The following IL16 variants were observed in gnomAD, a reference collection of about 807,000 sequenced individuals.
The protein encoded by IL16 is pro-interleukin-16.
Under a neutral mutation model 110.1 loss-of-function variants are expected in IL16, and 67 were observed. The observed-to-expected ratio is 0.61, with a 90% CI of 0.50 to 0.75. The LOEUF (loss-of-function observed/expected upper bound fraction) is 0.75, where lower values mean the gene tolerates loss of function less well. Among genes scored for constraint, IL16 ranks in the 30% least tolerant of loss-of-function variants. The pLI is 0.00. For synonymous variants in IL16, 689 were observed against 662.9 expected (o/e 1.04, Z -0.61); for missense variants, 1,545 against 1,655.0 (o/e 0.93, Z 1.15).
chr15:81,196,801 T>C (rs1214965847), upstream of IL16: 1 of 1,093,766 alleles, frequency 9.1e-7, no homozygotes, highest in Non-Finnish European at 1.1e-6. Flanking sequence ...GCCCCCCTTT[T>C]TGGATCAAGC....
Position 81,297,050 on chromosome 15 carries a change from C to A in IL16, c.2025C>A (p.Gly675=). 1 of 1,613,476 alleles carries A rather than the reference C, an allele frequency of 6.2e-7. No individual in the cohort carries two copies. Among genetic ancestry groups the A allele is most frequent in the Non-Finnish European group, 8.5e-7 (1 of 1,179,758 alleles). ...IGPQTKSSTE[G]EPGWRRASPV... ...CACAGACCAAGTCCTCCACAGAGGG[C>A]GAGCCAGGGTGGAGAAGAGCCAGCC... Residue 675 remains glycine, a synonymous_variant, in exon 13 of 19, where the codon GGC becomes GGA. Coordinates refer to ENST00000683961, the MANE Select transcript of IL16 (RefSeq NM_172217.5).
chr15:81,237,593 G>T (rs1479553585), intron 2 of IL16, among the ~76,000 whole-genome samples: 1 of 152,118 alleles, frequency 6.6e-6, no homozygotes, highest in African/African-American at 2.4e-5. Flanking sequence ...TTAACTTTGA[G>T]ATTATTTGAA....
Position 81,306,062 on chromosome 15 carries a change from T to C in IL16, c.3575T>C (p.Val1192Ala). Residue 1192 changes from valine (V) to alanine (A), a missense_variant, in exon 17 of 19, where the codon GTG becomes GCG. Coordinates refer to ENST00000683961, the MANE Select transcript of IL16 (RefSeq NM_172217.5). The stretch of plus-strand genomic sequence containing the variant: ...CAAGCTCGAGAGCCCAGGCAAGCTG[T>C]GATTGTCACAAGGAAGCTGACTCCA... Reference protein sequence around the residue: ...LRQAREPRQAVIVTRKLTPEA... With the variant: ...LRQAREPRQAAIVTRKLTPEA... 6.2e-7 allele frequency: 1 copy of C among 1,614,198 alleles called. No homozygotes were observed. The highest frequency in any genetic ancestry group is 8.5e-7 in the Non-Finnish European group (1 of 1,180,050).
intron 10 of IL16, among the ~76,000 whole-genome samples, chr15:81,289,283 G>A (rs376524191): frequency 8.5e-5 from 13 of 152,072 alleles, no homozygotes; most frequent in African/African-American, 3.1e-4. Flanking sequence ...TTATAGGTGT[G>A]TACCACTGCA....
chr15:81,236,218 C>T (rs902082619), intron 2 of IL16, among the ~76,000 whole-genome samples: 1 of 152,238 alleles, frequency 6.6e-6, no homozygotes, highest in African/African-American at 2.4e-5. Context: ...CAGACAAAAT[C>T]CTTTGCTTTG....
At chr15:81,293,612 A>C (rs966725835) in intron 12 of IL16, among the ~76,000 whole-genome samples, 1 of 152,138 alleles carries the variant, frequency 6.6e-6, no homozygotes, top group African/African-American at 2.4e-5. Context: ...GAGGCAGGGA[A>C]TTGCTTAAAC....
intron 1 of IL16, among the ~76,000 whole-genome samples, chr15:81,222,170 C>T (rs68020982): frequency 0.081 from 12,261 of 151,940 alleles, 514 homozygotes; most frequent in Middle Eastern, 0.1. Flanking sequence ...CTTGGTGGGA[C>T]AAGAATGCGA....
At chr15:81,277,917 G>A (rs1269933996) in intron 6 of IL16, among the ~76,000 whole-genome samples, 2 of 152,152 alleles carry the variant, frequency 1.3e-5, no homozygotes, top group Non-Finnish European at 2.9e-5. Context: ...TTGAAAGAAA[G>A]GGAGAAAGTG....
At chr15:81,299,203 C>T in intron 13 of IL16, 177 bp from the exon 14 acceptor site, 4 of 955,146 alleles carry the variant, frequency 4.2e-6, no homozygotes, top group Non-Finnish European at 6.7e-6. Context: ...TTCACTCCTG[C>T]CTGTTGGCAG....
At chr15:81,266,189 A>G (rs1482714485) in intron 4 of IL16, among the ~76,000 whole-genome samples, 2 of 152,236 alleles carry the variant, frequency 1.3e-5, no homozygotes, top group African/African-American at 4.8e-5. Context: ...GGATTTATGC[A>G]CATTCACACT....
chr15:81,262,761 G>C (rs573218333), intron 3 of IL16, among the ~76,000 whole-genome samples: 13 of 152,184 alleles, frequency 8.5e-5, no homozygotes, highest in African/African-American at 3.1e-4. Flanking sequence ...GAGAAACCCT[G>C]TCTCTACTAA....
chr15:81,255,728 C>T (rs1359532882), intron 2 of IL16, among the ~76,000 whole-genome samples: 7 of 146,696 alleles, frequency 4.8e-5, no homozygotes, highest in Non-Finnish European at 9.0e-5. Context: ...CCAGAGAAAG[C>T]TTTCCCTCTA....
At chr15:81,267,432 A>T (rs928647621) in intron 4 of IL16, among the ~76,000 whole-genome samples, 2 of 152,158 alleles carry the variant, frequency 1.3e-5, no homozygotes, top group South Asian at 4.1e-4. Flanking sequence ...AACCAATAAG[A>T]GATGTATAGA....
intron 2 of IL16, among the ~76,000 whole-genome samples, chr15:81,234,327 T>C (rs545628837): frequency 2.4e-4 from 37 of 152,164 alleles, no homozygotes; most frequent in Non-Finnish European, 4.3e-4. Context: ...AAGTGTTTTA[T>C]ATTCTGTTTT....
chr15:81,199,754 C>A (rs1197888539), intron 1 of IL16, among the ~76,000 whole-genome samples: 1 of 152,186 alleles, frequency 6.6e-6, no homozygotes, highest in Non-Finnish European at 1.5e-5. Flanking sequence ...GCACCTCTCA[C>A]CTGGCAAAGA....
intron 12 of IL16, among the ~76,000 whole-genome samples, chr15:81,295,971 G>A (rs1240105942): frequency 6.6e-6 from 1 of 152,160 alleles, no homozygotes; most frequent in Non-Finnish European, 1.5e-5. Flanking sequence ...GGCCACCGCA[G>A]TATAGCAAAG....
rs1347928331 is a variant in IL16 at position 81,300,134 on chromosome 15, T to G, written c.2808T>G (p.Pro936=). Residue 936 remains proline, a synonymous_variant, in exon 14 of 19, where the codon CCT becomes CCG. Coordinates refer to ENST00000683961, the MANE Select transcript of IL16 (RefSeq NM_172217.5). The part of the protein sequence containing the change: ...GRQPNQKTLP[P]GPDPLLRLLS... The stretch of plus-strand genomic sequence containing the variant: ...AGCCCAATCAGAAAACTCTCCCCCC[T>G]GGCCCGGACCCGCTCCTAAGGCTGC... 1 of 1,607,784 alleles carries G rather than the reference T, an allele frequency of 6.2e-7. No homozygotes were observed. The highest frequency in any genetic ancestry group is 2.2e-5 in the East Asian group (1 of 44,802).
upstream of IL16, among the ~76,000 whole-genome samples, chr15:81,192,034 T>C (rs901258372): frequency 1.3e-5 from 2 of 152,216 alleles, no homozygotes; most frequent in Admixed American, 1.3e-4. Flanking sequence ...TGTCTGATAC[T>C]ACAGTGGTAG....
At chr15:81,229,914 C>T (rs1367070628) in intron 2 of IL16, among the ~76,000 whole-genome samples, 1 of 152,188 alleles carries the variant, frequency 6.6e-6, no homozygotes, top group Admixed American at 6.5e-5. Context: ...AGCCTCTCCT[C>T]TGGAAACGCC....
Sources: allele counts gnomAD v4.1 joint callset (sites outside exome capture counted in the v4.1 genomes callset), GRCh38; gene constraint gnomAD v4.1.1; transcripts MANE v1.5; gene names NCBI Gene and HGNC (gene_info 2026-07-23, HGNC 2026-07-21).